Variants in SCAMP2 observed in about 807,000 individuals in gnomAD.
SCAMP2 encodes the protein secretory carrier-associated membrane protein 2.
Under a neutral mutation model 44.1 loss-of-function variants are expected in SCAMP2, and 25 were observed. The ratio of observed to expected loss-of-function variants is 0.57; its 90% CI spans 0.41 to 0.79. The LOEUF is 0.79. SCAMP2 is among the 30% of genes least tolerant of loss of function. The pLI, the probability that SCAMP2 is intolerant of heterozygous loss-of-function variation, is 0.00. For synonymous variants in SCAMP2, 156 were observed against 166.0 expected (o/e 0.94, Z 0.46); for missense variants, 355 against 411.0 (o/e 0.86, Z 1.18).
intron 1 of SCAMP2, among the ~76,000 whole-genome samples, chr15:74,857,610 G>A (rs1714205567): frequency 6.6e-6 from 1 of 152,200 alleles, no homozygotes; most frequent in African/African-American, 2.4e-5. Context: ...TGTTTAATAG[G>A]TGATCTCCAG....
chr15:74,847,920 G>A (rs757044253), intron 7 of SCAMP2, among the ~76,000 whole-genome samples: 15 of 152,292 alleles, frequency 9.8e-5, no homozygotes, highest in African/African-American at 1.7e-4. Flanking sequence ...GTCTGCAAAG[G>A]CCTGGGCATC....
chr15:74,850,500 C>T lies in SCAMP2; in HGVS notation c.632+14G>A, dbSNP rs1175139449. 3 of 1,612,874 alleles carry T rather than the reference C, an allele frequency of 1.9e-6. No individual in the cohort carries two copies. Among genetic ancestry groups the T allele is most frequent in the Non-Finnish European group, 2.5e-6 (3 of 1,179,310 alleles). On this transcript the variant is annotated intron_variant, in intron 6 of 8. Transcript: ENST00000268099. ...CAGCCATAAAGTCTCACCCCTTGCC[C>T]CGGCCTCACTCACCTAAAGGCCTTA... is the stretch of plus-strand genomic sequence containing the variant.
chr15:74,872,028 G>A (rs530244589), intron 1 of SCAMP2, among the ~76,000 whole-genome samples: 13 of 150,498 alleles, frequency 8.6e-5, no homozygotes, highest in Admixed American at 6.0e-4. Context: ...CTGGGCGACA[G>A]AGCAAGAATT....
At position 74,869,787 on chromosome 15, in the gene SCAMP2, C is replaced by T. The variant is rs550443046; in HGVS notation, c.57+3412G>A. 3.3e-5 allele frequency among the ~76,000 whole-genome samples: 5 copies of T among 152,298 alleles called. No individual in the cohort carries two copies. In the South Asian group the frequency reaches 1.0e-3, roughly 32 times the overall value. On this transcript the variant is annotated intron_variant, in intron 1 of 8. Transcript: ENST00000268099. ...TGTCACTGCATGACGGAAATAAAAA[C>T]GACTGTTCTGGAGTGTGACTAGGTG... is the stretch of plus-strand genomic sequence containing the variant.
At chr15:74,863,521 A>C (rs2064522784) in intron 1 of SCAMP2, among the ~76,000 whole-genome samples, 2 of 151,900 alleles carry the variant, frequency 1.3e-5, no homozygotes, top group Non-Finnish European at 1.5e-5. Flanking sequence ...CAAAAAAAAA[A>C]AAAACAGTAA....
chr15:74,845,376 A>G, intron 8 of SCAMP2, 97 bp downstream of exon 8: 1 of 1,601,516 alleles, frequency 6.2e-7, no homozygotes, highest in Non-Finnish European at 8.5e-7. Context: ...GGGGCCTAGG[A>G]TGCCCAACTG....
At position 74,863,378 on chromosome 15, in the gene SCAMP2, G is replaced by A. The variant is rs182815529; in HGVS notation, c.58-8729C>T. On this transcript the variant is annotated intron_variant, in intron 1 of 8. Coordinates refer to ENST00000268099, the MANE Select transcript of SCAMP2 (RefSeq NM_005697.5). ...AAAAAAAAATCAGCCAGGTCTCGTCGTGGGTACCTGTGGTCCCAGCTACAC... is the reference window on the plus strand; with the variant it reads ...AAAAAAAAATCAGCCAGGTCTCGTCATGGGTACCTGTGGTCCCAGCTACAC... Among the ~76,000 whole-genome samples the A allele has an allele frequency of 2.2e-3, 326 of 151,192 alleles. 1 individual carries two copies. The highest frequency in any genetic ancestry group is 7.5e-3 in the African/African-American group (308 of 41,128).
intron 7 of SCAMP2, among the ~76,000 whole-genome samples, chr15:74,845,895 C>T (rs1235407221): frequency 3.3e-5 from 5 of 152,242 alleles, no homozygotes; most frequent in Non-Finnish European, 5.9e-5. Flanking sequence ...CTATGGCTCT[C>T]ACCTGTAATC....
chr15:74,860,516 C>G (rs1039315877), intron 1 of SCAMP2, among the ~76,000 whole-genome samples: 3 of 151,322 alleles, frequency 2.0e-5, no homozygotes, highest in Non-Finnish European at 4.4e-5. Context: ...TGGCAAAACC[C>G]CATATCTACT....
intron 1 of SCAMP2, among the ~76,000 whole-genome samples, chr15:74,871,937 C>A (rs532522113): frequency 3.3e-5 from 5 of 149,468 alleles, no homozygotes; most frequent in African/African-American, 5.0e-5. Context: ...CCCAGTTTCT[C>A]GGGAGGCTGA....
chr15:74,848,091 A>G (rs2064411529), intron 7 of SCAMP2, among the ~76,000 whole-genome samples: 1 of 149,708 alleles, frequency 6.7e-6, no homozygotes, highest in Admixed American at 6.6e-5. Context: ...TTTTTGATAC[A>G]GGATCTCACT....
chr15:74,845,535 T>C lies in SCAMP2; in HGVS notation c.793A>G (p.Met265Val). The C allele has an allele frequency of 6.2e-7, 1 of 1,614,146 alleles. No individual in the cohort carries two copies. Among genetic ancestry groups the C allele is most frequent in the East Asian group, 2.2e-5 (1 of 44,878 alleles). ...GTGAAGAAGCCAGCCACCACCATCA[T>C]GATGACTGATATGGCCAGGGAATGA... ...DNHSLAISVI[M>V]MVVAGFFTLC... Residue 265 changes from methionine (M) to valine (V), a missense_variant, in exon 8 of 9, where the codon ATG (methionine) becomes GTG (valine). Physicochemically the swap from Met to Val is conservative, Grantham distance 21 (BLOSUM62 1). Coordinates refer to ENST00000268099, the MANE Select transcript of SCAMP2 (RefSeq NM_005697.5).
At position 74,848,626 on chromosome 15, in the gene SCAMP2, C is replaced by G; in HGVS notation, c.708G>C (p.Leu236Phe). ...TGTCCCCCAGGCCAGGGATGCCAAC[C>G]AACTGGATGATGTAGATCCCTATTT... ...FCQIGIYIIQLVGIPGLGDSG... is the reference protein window; with the variant it reads ...FCQIGIYIIQFVGIPGLGDSG... The change falls in exon 7 of 9, where the codon TTG (leucine) becomes TTC (phenylalanine). Residue 236 changes from leucine (L) to phenylalanine (F), a missense_variant. By Grantham distance (22) the Leu-to-Phe change is conservative. Coordinates refer to ENST00000268099, the MANE Select transcript of SCAMP2 (RefSeq NM_005697.5). 6.2e-7 allele frequency: 1 copy of G among 1,612,834 alleles called. No individual in the cohort carries two copies. Among genetic ancestry groups the G allele is most frequent in the Non-Finnish European group, 8.5e-7 (1 of 1,178,892 alleles).
At chr15:74,858,276 G>C (rs1440756474) in intron 1 of SCAMP2, among the ~76,000 whole-genome samples, 1 of 152,090 alleles carries the variant, frequency 6.6e-6, no homozygotes, top group South Asian at 2.1e-4. Context: ...CAGAAAAGAG[G>C]GTTTTACTGG....
chr15:74,849,147 TTAATAA>T (rs1269915821), intron 6 of SCAMP2, among the ~76,000 whole-genome samples: 1 of 152,158 alleles, frequency 6.6e-6, no homozygotes, highest in Non-Finnish European at 1.5e-5. Context: ...AGCCAATCTC[TTAATAA>T]TAAGTAAATC....
chr15:74,865,165 G>T (rs2064533851), intron 1 of SCAMP2, among the ~76,000 whole-genome samples: 1 of 149,638 alleles, frequency 6.7e-6, no homozygotes, highest in Admixed American at 6.7e-5. Context: ...TGGATCACCT[G>T]AGGTCAGGAG....
At chr15:74,858,724 T>C (rs1033670877) in intron 1 of SCAMP2, among the ~76,000 whole-genome samples, 1 of 151,088 alleles carries the variant, frequency 6.6e-6, no homozygotes. Context: ...TGTGGCAGGA[T>C]GAATGAGCCC....
At position 74,845,167 on chromosome 15, in the gene SCAMP2, C is replaced by G; in HGVS notation, c.906G>C (p.Glu302Asp). ...TGCTGAAGATGCCCTGGGAAAACTCCTCCTGGGCCTGCTGGAAGCTGGCCC... is the reference window on the plus strand; with the variant it reads ...TGCTGAAGATGCCCTGGGAAAACTCGTCCTGGGCCTGCTGGAAGCTGGCCC... ...RTGASFQQAQ[E>D]EFSQGIFSSR... The change falls in exon 9 of 9, where the codon GAG becomes GAC. Residue 302 changes from glutamate to aspartate, a missense_variant. Physicochemically the swap from Glu to Asp is conservative, Grantham distance 45. Transcript: ENST00000268099. 2 of 1,613,938 alleles carry G rather than the reference C, an allele frequency of 1.2e-6. No homozygotes were observed. The highest frequency in any genetic ancestry group is 1.7e-6 in the Non-Finnish European group (2 of 1,179,996).
At chr15:74,859,254 G>A (rs1374117293) in intron 1 of SCAMP2, among the ~76,000 whole-genome samples, 1 of 152,170 alleles carries the variant, frequency 6.6e-6, no homozygotes, top group East Asian at 1.9e-4. Flanking sequence ...CTTAACCTCA[G>A]TTCTTTTCAT....
Sources: allele counts gnomAD v4.1 joint callset (sites outside exome capture counted in the v4.1 genomes callset), GRCh38; gene constraint gnomAD v4.1.1; transcripts MANE v1.5; gene names NCBI Gene and HGNC (gene_info 2026-07-23, HGNC 2026-07-21).